The following CDC42SE2 variants were observed in gnomAD, a reference collection of about 807,000 sequenced individuals.
The protein encoded by CDC42SE2 is CDC42 small effector protein 2.
Under a neutral mutation model 11.5 loss-of-function variants are expected in CDC42SE2, and 3 were observed. The ratio of observed to expected loss-of-function variants is 0.26; its 90% CI spans 0.12 to 0.67. CDC42SE2 has a LOEUF of 0.67. CDC42SE2 is among the 30% of genes least tolerant of loss of function. The pLI, the probability that CDC42SE2 is intolerant of heterozygous loss-of-function variation, is 0.80. For synonymous variants in CDC42SE2, 33 were observed against 34.8 expected (o/e 0.95, Z 0.18); for missense variants, 82 against 106.8 (o/e 0.77, Z 1.02).
the CDC42SE2 span, among the ~76,000 whole-genome samples, chr5:131,210,621 A>C: frequency 6.6e-6 from 1 of 152,158 alleles, no homozygotes; most frequent in African/African-American, 2.4e-5. Flanking sequence ...GCTGCTGAAA[A>C]GTCTATTATC....
the CDC42SE2 span, among the ~76,000 whole-genome samples, chr5:131,220,126 T>A: frequency 6.6e-6 from 1 of 152,232 alleles, no homozygotes; most frequent in Non-Finnish European, 1.5e-5. Flanking sequence ...CATAATGCTG[T>A]GGTCATATGC....
intron 1 of CDC42SE2, among the ~76,000 whole-genome samples, chr5:131,287,407 A>C (rs1022499188): frequency 1.2e-4 from 18 of 151,970 alleles, no homozygotes; most frequent in South Asian, 2.1e-4. Flanking sequence ...CTATTTTCAT[A>C]ATGTGTCAGT....
chr5:131,341,989 A>C (rs550495108), intron 2 of CDC42SE2, among the ~76,000 whole-genome samples: 1 of 152,262 alleles, frequency 6.6e-6, no homozygotes, highest in African/African-American at 2.4e-5. Context: ...CAATTATAAA[A>C]GTTAATACCA....
At chr5:131,351,294 G>A (rs1759004062) in intron 2 of CDC42SE2, among the ~76,000 whole-genome samples, 1 of 151,342 alleles carries the variant, frequency 6.6e-6, no homozygotes, top group African/African-American at 2.4e-5. Flanking sequence ...TCGCTCTGTT[G>A]CCCAGGCTGG....
At chr5:131,371,016 G>T (rs1455499468) in intron 3 of CDC42SE2, among the ~76,000 whole-genome samples, 1 of 152,148 alleles carries the variant, frequency 6.6e-6, no homozygotes, top group Admixed American at 6.5e-5. Flanking sequence ...ACTAGGTAGT[G>T]CATTGTTGTA....
chr5:131,347,662 A>G (rs989583619), intron 2 of CDC42SE2, among the ~76,000 whole-genome samples: 5 of 152,218 alleles, frequency 3.3e-5, no homozygotes, highest in African/African-American at 9.6e-5. Context: ...GGTCAACATC[A>G]TCCTGATACT....
chr5:131,263,919 C>A (rs1322611827), upstream of CDC42SE2: 1 of 152,028 alleles, frequency 6.6e-6, no homozygotes, highest in African/African-American at 2.4e-5. Context: ...GGGGCGGGGC[C>A]TGGCGGGGGG....
At chr5:131,338,045 C>T (rs575552898) in intron 2 of CDC42SE2, among the ~76,000 whole-genome samples, 1 of 152,372 alleles carries the variant, frequency 6.6e-6, no homozygotes, top group East Asian at 1.9e-4. Flanking sequence ...TTCTGCGTCG[C>T]TCACGCTGGG....
chr5:131,287,005 TA>T (rs1262417721), intron 1 of CDC42SE2, among the ~76,000 whole-genome samples: 1 of 152,136 alleles, frequency 6.6e-6, no homozygotes, highest in Non-Finnish European at 1.5e-5. Context: ...TATTCTATTT[TA>T]TTTTTTTAGA....
At chr5:131,217,343 G>T in the CDC42SE2 span, among the ~76,000 whole-genome samples, 1 of 152,082 alleles carries the variant, frequency 6.6e-6, no homozygotes, top group Non-Finnish European at 1.5e-5. Flanking sequence ...TAGAAACAAA[G>T]AAATTAATTT....
At position 131,391,840 on chromosome 5, in the gene CDC42SE2, ATTTC is replaced by A. The variant is rs1398653451; in HGVS notation, c.*751_*754del. On this transcript the variant is annotated 3_prime_UTR_variant, in exon 5 of 5. Coordinates refer to ENST00000505065, the MANE Select transcript of CDC42SE2 (RefSeq NM_001375635.1). The stretch of plus-strand genomic sequence containing the variant: ...TTTTTGTTTTATAGGGTTATTGTGA[ATTTC>A]TATATTTTCTCTGTCCACTATTCTG... 2 of 152,208 alleles carry A rather than the reference ATTTC, an allele frequency of 1.3e-5. No individual in the cohort carries two copies. Among genetic ancestry groups the A allele is most frequent in the African/African-American group, 4.8e-5 (2 of 41,406 alleles). The allele number at this position is 152,208 out of a possible 1,614,324, so 9.4% of individuals were successfully genotyped here.
chr5:131,220,279 T>C, the CDC42SE2 span, among the ~76,000 whole-genome samples: 1 of 152,142 alleles, frequency 6.6e-6, no homozygotes, highest in Non-Finnish European at 1.5e-5. Context: ...CCATCTCGGC[T>C]CACTGCAACC....
intron 1 of CDC42SE2, among the ~76,000 whole-genome samples, chr5:131,297,459 C>T (rs907110502): frequency 5.9e-5 from 9 of 152,096 alleles, no homozygotes; most frequent in Non-Finnish European, 1.2e-4. Context: ...GTGGCTCACC[C>T]CTGTAATCCC....
intron 2 of CDC42SE2, among the ~76,000 whole-genome samples, chr5:131,331,573 A>C (rs913656591): frequency 2.6e-5 from 4 of 152,170 alleles, no homozygotes; most frequent in African/African-American, 9.7e-5. Flanking sequence ...ATTAACATTC[A>C]ATTTTTTTTC....
intron 1 of CDC42SE2, among the ~76,000 whole-genome samples, chr5:131,278,766 C>T (rs1188364673): frequency 4.6e-5 from 1 of 21,686 alleles, no homozygotes; most frequent in African/African-American, 1.9e-4. Context: ...TCTCCTCTCC[C>T]CTCTCCTCTC....
chr5:131,216,191 T>C, the CDC42SE2 span, among the ~76,000 whole-genome samples: 13 of 152,164 alleles, frequency 8.5e-5, no homozygotes, highest in South Asian at 6.2e-4. Flanking sequence ...AGTCATAGTC[T>C]AGGCCCAGCA....
At chr5:131,257,745 T>C (rs899423946) in intron 2 of CDC42SE2, among the ~76,000 whole-genome samples, 1 of 152,156 alleles carries the variant, frequency 6.6e-6, no homozygotes, top group Non-Finnish European at 1.5e-5. Context: ...CCCAGTGTTT[T>C]AGGATTACAG....
the CDC42SE2 span, among the ~76,000 whole-genome samples, chr5:131,213,984 G>A: frequency 6.6e-6 from 1 of 152,128 alleles, no homozygotes; most frequent in Non-Finnish European, 1.5e-5. Flanking sequence ...TCAAAGATAG[G>A]TGCTAGTGAT....
intron 2 of CDC42SE2, among the ~76,000 whole-genome samples, chr5:131,347,242 A>T (rs1758870007): frequency 6.6e-6 from 1 of 152,238 alleles, no homozygotes; most frequent in South Asian, 2.1e-4. Context: ...CAAAATTGAT[A>T]GACCGCTAGC....
Sources: gnomAD v4.1 joint callset for allele counts (sites outside exome capture counted in the v4.1 genomes callset) on GRCh38, gnomAD v4.1.1 for gene constraint, MANE v1.5 for transcripts, NCBI Gene and HGNC (gene_info 2026-07-23, HGNC 2026-07-21) for gene names.